The following MINDY4B variants were observed in gnomAD, a reference collection of about 807,000 sequenced individuals.
MINDY4B encodes inactive ubiquitin carboxyl-terminal hydrolase MINDY-4B.
A neutral mutation model predicts 16.7 loss-of-function variants in MINDY4B; 25 were observed. That is an observed-to-expected ratio of 1.49 (90% CI 1.09 to 2.09). The LOEUF (loss-of-function observed/expected upper bound fraction) is 2.09. Ranked by LOEUF, MINDY4B falls within the 30% of genes most tolerant of loss-of-function variation. The probability of loss-of-function intolerance (pLI) is 0.00; values close to 1 mark genes in which losing one functional copy is unlikely to be tolerated. For missense variants in MINDY4B, 327 were observed against 168.4 expected (o/e 1.94, Z -5.21); for synonymous variants, 132 against 61.9 (o/e 2.13, Z -5.32).
Position 150,904,063 on chromosome 3 carries a change from CCTT to C in MINDY4B, c.142-650_142-648del, listed in dbSNP as rs535165573. Reference sequence around the variant, plus strand: ...GGTGGCTGAAACATGAGGGAAACCACCTTCTTAGTTTTTCTGTATTCCTAGAGG... The same window carrying C: ...GGTGGCTGAAACATGAGGGAAACCACCTTAGTTTTTCTGTATTCCTAGAGG... On this transcript the variant is annotated intron_variant, in intron 2 of 11. Transcript: ENST00000465419. Among the ~76,000 whole-genome samples the C allele has an allele frequency of 3.5e-3, 536 of 152,298 alleles. 2 individuals are homozygous for C. The highest frequency in any genetic ancestry group is 6.3e-3 in the Non-Finnish European group (431 of 68,030).
intron 7 of MINDY4B, among the ~76,000 whole-genome samples, chr3:150,887,073 A>G (rs1711642086): frequency 1.3e-5 from 2 of 152,248 alleles, no homozygotes; most frequent in African/African-American, 2.4e-5. Flanking sequence ...ATAATAGTGT[A>G]GAACATTTAT....
intron 3 of MINDY4B, among the ~76,000 whole-genome samples, chr3:150,897,871 C>T (rs1370036521): frequency 2.0e-5 from 3 of 152,134 alleles, no homozygotes; most frequent in Non-Finnish European, 4.4e-5. Context: ...TCAAAGAGAG[C>T]CCTAGACCCA....
chr3:150,877,617 C>T (rs938916582), intron 10 of MINDY4B, among the ~76,000 whole-genome samples: 2 of 152,114 alleles, frequency 1.3e-5, no homozygotes, highest in African/African-American at 2.4e-5. Flanking sequence ...TAAGGATTTC[C>T]ATACACCCGA....
rs560476196 is a variant in MINDY4B at position 150,871,719 on chromosome 3, G to A, written c.1241-532C>T. 7.2e-5 allele frequency among the ~76,000 whole-genome samples: 11 copies of A among 152,204 alleles called. No individual in the cohort carries two copies. The East Asian group carries it at 9.7e-4, about 13-fold the overall frequency. ...CAGAAAATTAGCTGTGTGTGGTGGCGCGCGCCTGTAATCCCAGCAGGAGGC... is the reference window on the plus strand; with the variant it reads ...CAGAAAATTAGCTGTGTGTGGTGGCACGCGCCTGTAATCCCAGCAGGAGGC... On this transcript the variant is annotated intron_variant, in intron 11 of 11. Coordinates refer to ENST00000465419, the MANE Select transcript of MINDY4B (RefSeq NM_001351281.2).
At chr3:150,885,473 A>G (rs1456618295) in intron 7 of MINDY4B, 35 bp from the exon 8 acceptor site, 1 of 660,036 alleles carries the variant, frequency 1.5e-6, no homozygotes, top group Admixed American at 2.2e-5. Context: ...ATGTTGGTCT[A>G]AAAGCAACAC....
At chr3:150,904,912 G>C in intron 2 of MINDY4B, 150 bp downstream of exon 2, 1 of 395,752 alleles carries the variant, frequency 2.5e-6, no homozygotes, top group Non-Finnish European at 4.5e-6. Flanking sequence ...AAAAATCTTC[G>C]ACAGGCTTTC....
At chr3:150,896,576 T>C (rs1471994792) in intron 3 of MINDY4B, among the ~76,000 whole-genome samples, 1 of 152,216 alleles carries the variant, frequency 6.6e-6, no homozygotes, top group African/African-American at 2.4e-5. Context: ...CACGGGGCGT[T>C]CCCTTGATAT....
chr3:150,874,265 C>G (rs1236625679), intron 10 of MINDY4B, among the ~76,000 whole-genome samples: 2 of 152,144 alleles, frequency 1.3e-5, no homozygotes, highest in African/African-American at 2.4e-5. Flanking sequence ...ATCTACCTGC[C>G]TTGGCCTCCC....
chr3:150,892,667 G>A (rs1004802876), intron 5 of MINDY4B, among the ~76,000 whole-genome samples: 7 of 152,026 alleles, frequency 4.6e-5, no homozygotes, highest in Non-Finnish European at 8.8e-5. Context: ...AGGATTGGCC[G>A]GGTGCAGTGG....
intron 1 of MINDY4B, 80 bp downstream of exon 1, chr3:150,905,247 G>A: frequency 2.5e-6 from 1 of 398,220 alleles, no homozygotes; most frequent in Non-Finnish European, 4.4e-6. Flanking sequence ...AATTTCTCAT[G>A]TTGCAAGCTT....
In MINDY4B at chr3:150,893,386, C is replaced by A. The variant is rs773354239; in HGVS notation, c.459G>T (p.Val153=). The A allele has an allele frequency of 4.3e-6, 3 of 702,772 alleles. No individual in the cohort carries two copies. Among genetic ancestry groups the A allele is most frequent in the Non-Finnish European group, 7.8e-6 (3 of 384,836 alleles). The allele number at this position is 702,772 out of a possible 1,614,324, so 43.5% of individuals were successfully genotyped here. A position where few individuals can be genotyped will look rare whatever the true frequency, so the allele number is the denominator to read the frequency against. ...KGGARSIQMA[V]QGSIIKYLLF... is the part of the protein sequence containing the mutation. ...ACAAGTATTTGATGATGGATCCTTG[C>A]ACAGCCATCTGAATGCTTCGGGCCC... Residue 153 remains valine, a synonymous_variant, in exon 5 of 12, where the codon GTG becomes GTT. Transcript: ENST00000465419.
rs543070103 is a variant in MINDY4B, at chr3:150,890,235, C to G, written c.753+85G>C. 2.7e-5 allele frequency: 11 copies of G among 412,736 alleles called. No homozygotes were observed. The South Asian group carries it at 8.4e-4, about 32-fold the overall frequency. 25.6% of individuals were successfully genotyped at this position (412,736 alleles called of 1,614,324 possible). A position where few individuals can be genotyped will look rare whatever the true frequency, so the allele number is the denominator to read the frequency against. ...ATGACCTGGTTTTCTTAACAGGCAT[C>G]ATTAGAAATAGACTTTGTAAAAGGA... On this transcript the variant is annotated intron_variant, in intron 7 of 11. Transcript: ENST00000465419.
At chr3:150,884,726 C>T (rs942693588) in intron 8 of MINDY4B, among the ~76,000 whole-genome samples, 1 of 152,186 alleles carries the variant, frequency 6.6e-6, no homozygotes, top group Non-Finnish European at 1.5e-5. Context: ...ACCTCTATTT[C>T]TGACTCTCCA....
intron 7 of MINDY4B, among the ~76,000 whole-genome samples, chr3:150,886,457 G>A (rs759200750): frequency 6.6e-6 from 1 of 152,182 alleles, no homozygotes; most frequent in South Asian, 2.1e-4. Context: ...GGGGAGGGGT[G>A]AGGCCTGATG....
At chr3:150,879,635 C>T (rs1000379210) in intron 10 of MINDY4B, among the ~76,000 whole-genome samples, 4 of 152,116 alleles carry the variant, frequency 2.6e-5, no homozygotes, top group Non-Finnish European at 4.4e-5. Context: ...TGGGGGCCCT[C>T]GTTCAAACAT....
chr3:150,887,817 G>C (rs926002073), intron 7 of MINDY4B, among the ~76,000 whole-genome samples: 1 of 152,208 alleles, frequency 6.6e-6, no homozygotes, highest in African/African-American at 2.4e-5. Context: ...AGGTGTAAGA[G>C]TAGGGCCATT....
chr3:150,881,120 C>T lies in MINDY4B; in HGVS notation c.1059+1777G>A, dbSNP rs560337912. On this transcript the variant is annotated intron_variant, in intron 10 of 11. Transcript: ENST00000465419. ...TAATGAGAGGCCAGGCAGTGGCTCA[C>T]GCCTGTAATCCCAGCACTTTGGGAG... Among the ~76,000 whole-genome samples the T allele has an allele frequency of 3.3e-5, 5 of 152,312 alleles. No individual in the cohort carries two copies. In the South Asian group the frequency reaches 8.3e-4, roughly 25 times the overall value.
At chr3:150,872,691 C>G (rs1429354965) in intron 11 of MINDY4B, among the ~76,000 whole-genome samples, 1 of 152,212 alleles carries the variant, frequency 6.6e-6, no homozygotes, top group African/African-American at 2.4e-5. Context: ...TGTCTAGCCC[C>G]ATGCCTGGCA....
At chr3:150,896,375 A>G (rs1711967816) in intron 3 of MINDY4B, among the ~76,000 whole-genome samples, 1 of 152,022 alleles carries the variant, frequency 6.6e-6, no homozygotes, top group Non-Finnish European at 1.5e-5. Flanking sequence ...TTTCAGGTAA[A>G]TCAGGGATTT....
Sources: gnomAD v4.1 joint callset for allele counts (sites outside exome capture counted in the v4.1 genomes callset) on GRCh38, gnomAD v4.1.1 for gene constraint, MANE v1.5 for transcripts, NCBI Gene and HGNC (gene_info 2026-07-23, HGNC 2026-07-21) for gene names.